The following BBIP1 variants were observed in gnomAD, a reference collection of about 807,000 sequenced individuals.
BBIP1 encodes BBSome-interacting protein 1.
BBIP1 carries 6 observed loss-of-function variants against 8.9 expected under a neutral mutation model. That is an observed-to-expected ratio of 0.67 (90% confidence interval 0.37 to 1.33). BBIP1 has a LOEUF of 1.33. Among genes scored for constraint, BBIP1 ranks in the 40% most tolerant of loss-of-function variants. BBIP1 has a pLI of 0.02. For synonymous variants in BBIP1, 32 were observed against 33.4 expected (o/e 0.96, Z 0.14); for missense variants, 111 against 109.2 (o/e 1.02, Z -0.07).
At chr10:110,910,420 C>G (rs1260349063) in intron 2 of BBIP1, among the ~76,000 whole-genome samples, 1 of 152,048 alleles carries the variant, frequency 6.6e-6, no homozygotes, top group Non-Finnish European at 1.5e-5. Context: ...CAGGAGGGAG[C>G]TAACTGGATG....
At chr10:110,913,929 A>C (rs1039192978) in intron 2 of BBIP1, among the ~76,000 whole-genome samples, 13 of 152,228 alleles carry the variant, frequency 8.5e-5, no homozygotes, top group African/African-American at 2.9e-4. Context: ...AATTTCACAA[A>C]AAATCCAAAT....
At chr10:110,901,246 A>G (rs569794089) in intron 3 of BBIP1, 3 of 413,946 alleles carry the variant, frequency 7.2e-6, no homozygotes, top group South Asian at 4.3e-5. Context: ...TGCCAGCTGT[A>G]CCCAAGCCTG....
At chr10:110,915,803 A>T (rs943169326) in intron 2 of BBIP1, among the ~76,000 whole-genome samples, 1 of 152,086 alleles carries the variant, frequency 6.6e-6, no homozygotes, top group Non-Finnish European at 1.5e-5. Context: ...TCCCAGGCTC[A>T]AGTGATTCTG....
At chr10:110,900,792 G>T (rs944179800) in intron 3 of BBIP1, 2 of 353,234 alleles carry the variant, frequency 5.7e-6, no homozygotes, top group African/African-American at 4.3e-5. Flanking sequence ...TTTTGTGTCA[G>T]AAGTTTAATC....
At chr10:110,909,325 G>C (rs1753848601) in intron 2 of BBIP1, among the ~76,000 whole-genome samples, 2 of 152,068 alleles carry the variant, frequency 1.3e-5, no homozygotes, top group African/African-American at 2.4e-5. Flanking sequence ...AGCCTCCTGA[G>C]TTGGGATTAC....
At chr10:110,905,902 TAAA>T (rs146014214) in intron 2 of BBIP1, among the ~76,000 whole-genome samples, 8,760 of 152,226 alleles carry the variant, frequency 0.058, 291 homozygotes, top group East Asian at 0.095. Context: ...CATCCATTAA[TAAA>T]AAGAAGATCA....
At chr10:110,908,839 C>G (rs1355147949) in intron 2 of BBIP1, among the ~76,000 whole-genome samples, 1 of 150,556 alleles carries the variant, frequency 6.6e-6, no homozygotes, top group South Asian at 2.1e-4. Context: ...GAAACAAACC[C>G]TAACCAAACT....
At chr10:110,911,923 G>GTAAC (rs1846287766) in intron 2 of BBIP1, 1 of 152,136 alleles carries the variant, frequency 6.6e-6, no homozygotes, top group Non-Finnish European at 1.5e-5. Context: ...AAAGGCTGAA[G>GTAAC]TAACATACAA....
At chr10:110,913,194 T>C (rs571386951) in intron 2 of BBIP1, among the ~76,000 whole-genome samples, 1 of 152,362 alleles carries the variant, frequency 6.6e-6, no homozygotes, top group Admixed American at 6.5e-5. Context: ...TGAATACATT[T>C]CTTAGCCAAC....
chr10:110,905,062 A>G (rs1846096788), intron 2 of BBIP1: 1 of 152,234 alleles, frequency 6.6e-6, no homozygotes, highest in Non-Finnish European at 1.5e-5. Context: ...AGTTTTGATG[A>G]ACAGTGCATT....
chr10:110,918,121 C>G lies in BBIP1; in HGVS notation c.37G>C (p.Gly13Arg), dbSNP rs1274602247. The change falls in exon 2 of 4, where the codon GGA becomes CGA. Residue 13 changes from glycine to arginine, a missense_variant and splice_region_variant. Physicochemically the swap from Gly to Arg is moderately radical, Grantham distance 125. Transcript: ENST00000448814. ...KAAAKRPELS[G>R]KNTISNNSDM... ...GGATATTAACCATTTTCAATTTTAC[C>G]TGAAAGTTCTGGTCTTTTTGCTGCA... The G allele has an allele frequency of 6.5e-7, 1 of 1,535,722 alleles. No individual in the cohort carries two copies. Among genetic ancestry groups the G allele is most frequent in the Non-Finnish European group, 8.7e-7 (1 of 1,146,608 alleles).
intron 2 of BBIP1, chr10:110,907,469 C>G (rs543420311): frequency 2.6e-6 from 1 of 389,646 alleles, no homozygotes; most frequent in Admixed American, 4.7e-5. Flanking sequence ...GATATGATCA[C>G]GCCACTGCAT....
chr10:110,911,667 A>C (rs1378643185), intron 2 of BBIP1: 5 of 151,908 alleles, frequency 3.3e-5, no homozygotes, highest in Non-Finnish European at 7.4e-5. Context: ...ATATGATGAA[A>C]TTTAACAGAC....
Position 110,900,207 on chromosome 10 carries a change from C to A in BBIP1, c.*153G>T. Reference sequence around the variant, plus strand: ...AACCAGAGTGTTTACATTCACAATACAAATTTCATCAATCTTGGATATTTT... The same window carrying A: ...AACCAGAGTGTTTACATTCACAATAAAAATTTCATCAATCTTGGATATTTT... On this transcript the variant is annotated 3_prime_UTR_variant, in exon 4 of 4. Transcript: ENST00000448814. 6.3e-6 allele frequency: 5 copies of A among 790,672 alleles called. No homozygotes were observed. The highest frequency in any genetic ancestry group is 3.9e-4 in the Middle Eastern group (1 of 2,578). 49.0% of individuals were successfully genotyped at this position (790,672 alleles called of 1,614,324 possible).
At chr10:110,912,787 T>G (rs954953252) in intron 2 of BBIP1, among the ~76,000 whole-genome samples, 1 of 152,138 alleles carries the variant, frequency 6.6e-6, no homozygotes, top group African/African-American at 2.4e-5. Context: ...TGGGTCTATG[T>G]GTTTATCTTC....
chr10:110,916,741 T>C (rs980642393), intron 2 of BBIP1, among the ~76,000 whole-genome samples: 5 of 152,218 alleles, frequency 3.3e-5, no homozygotes, highest in South Asian at 2.1e-4. Flanking sequence ...CAGTACACTT[T>C]ACTGCAGAAA....
At chr10:110,901,000 A>G (rs1845984142) in intron 3 of BBIP1, 1 of 243,150 alleles carries the variant, frequency 4.1e-6, no homozygotes, top group South Asian at 4.1e-5. Context: ...GAAGTTTCAT[A>G]TTGAGTAGGG....
rs1213381496 is a variant in BBIP1 at position 110,899,288 on chromosome 10, A to G, written c.*1072T>C. The G allele has an allele frequency of 6.6e-6, 1 of 152,140 alleles. No individual in the cohort carries two copies. The highest frequency in any genetic ancestry group is 1.5e-5 in the Non-Finnish European group (1 of 68,028). 9.4% of individuals were successfully genotyped at this position (152,140 alleles called of 1,614,324 possible). ...AGGAGTATACTGCTTACAGGTTTAG[A>G]TATAGTCTGTTAGAATTAAAACCAA... is the stretch of plus-strand genomic sequence containing the variant. On this transcript the variant is annotated 3_prime_UTR_variant, in exon 4 of 4. Transcript: ENST00000448814.
chr10:110,908,903 ATGAGAATGACC>A (rs1384774543), intron 2 of BBIP1, among the ~76,000 whole-genome samples: 1 of 152,248 alleles, frequency 6.6e-6, no homozygotes, highest in African/African-American at 2.4e-5. Context: ...TATTTTAAGA[ATGAGAATGACC>A]TGAACAGATC....
Sources: gnomAD v4.1 joint callset for allele counts (sites outside exome capture counted in the v4.1 genomes callset) on GRCh38, gnomAD v4.1.1 for gene constraint, MANE v1.5 for transcripts, NCBI Gene and HGNC (gene_info 2026-07-23, HGNC 2026-07-21) for gene names.